Variants in SRRM1 observed in about 807,000 individuals in gnomAD.
The protein encoded by SRRM1 is serine and arginine repetitive matrix 1, also known as serine/arginine repetitive matrix protein 1.
A neutral mutation model predicts 110.2 loss-of-function variants in SRRM1; 19 were observed. That is an observed-to-expected ratio of 0.17 (90% CI 0.12 to 0.25). The LOEUF is 0.25. Ranked by LOEUF, SRRM1 falls within the 10% of genes least tolerant of loss-of-function variation. The probability of loss-of-function intolerance (pLI) is 1.00; values close to 1 mark genes in which losing one functional copy is unlikely to be tolerated. For missense variants in SRRM1, 918 were observed against 1,145.8 expected (o/e 0.80, Z 2.87); for synonymous variants, 443 against 414.9 (o/e 1.07, Z -0.82).
chr1:24,654,827 T>C (rs1237480674), intron 8 of SRRM1, 28 bp from the exon 9 acceptor site: 1 of 1,612,206 alleles, frequency 6.2e-7, no homozygotes, highest in African/African-American at 1.3e-5. Flanking sequence ...AGTGTGCAAT[T>C]AGTGAATATG....
intron 1 of SRRM1, 141 bp downstream of exon 1, chr1:24,643,488 C>T (rs563260032): frequency 1.2e-5 from 7 of 568,006 alleles, no homozygotes; most frequent in Non-Finnish European, 1.6e-5. Context: ...GCGCACCCCC[C>T]CCCCCCCCGT....
intron 12 of SRRM1, chr1:24,663,265 A>T (rs1280376770): frequency 6.9e-7 from 1 of 1,448,124 alleles, no homozygotes; most frequent in South Asian, 1.4e-5. Flanking sequence ...TTACATGTCA[A>T]AAATTGTAGT....
At chr1:24,658,984 G>C (rs984966403) in intron 9 of SRRM1, among the ~76,000 whole-genome samples, 40 of 152,192 alleles carry the variant, frequency 2.6e-4, no homozygotes, top group African/African-American at 9.4e-4. Flanking sequence ...ACCCGAGGTT[G>C]GGAGTTCAAG....
chr1:24,671,292 T>C, intron 15 of SRRM1, 94 bp from the exon 16 acceptor site: 1 of 1,282,048 alleles, frequency 7.8e-7, no homozygotes, highest in Non-Finnish European at 1.1e-6. Flanking sequence ...TTGAGATTTG[T>C]CCATTGGGGA....
chr1:24,670,904 G>A (rs915059515), intron 15 of SRRM1, among the ~76,000 whole-genome samples: 1 of 152,206 alleles, frequency 6.6e-6, no homozygotes, highest in African/African-American at 2.4e-5. Flanking sequence ...TGTGTGTCAT[G>A]AGGAAGAACC....
chr1:24,667,060 T>C, intron 13 of SRRM1, 135 bp downstream of exon 13: 1 of 598,260 alleles, frequency 1.7e-6, no homozygotes, highest in Middle Eastern at 2.6e-4. Flanking sequence ...GAAAACCCAA[T>C]CATCATGCTT....
In SRRM1 at chr1:24,673,045, T is replaced by G. The variant is rs1673370488; in HGVS notation, c.*759T>G. The G allele has an allele frequency of 1.3e-5, 2 of 152,228 alleles. No individual in the cohort carries two copies. The highest frequency in any genetic ancestry group is 1.3e-4 in the Admixed American group (2 of 15,276). The allele number at this position is 152,228 out of a possible 1,614,324, so 9.4% of individuals were successfully genotyped here. A position where few individuals can be genotyped will look rare whatever the true frequency, so the allele number is the denominator to read the frequency against. On this transcript the variant is annotated 3_prime_UTR_variant, in exon 17 of 17. Transcript: ENST00000323848. ...ATCCTTCAGTTACATACAATTTGTT[T>G]AATGAAATGTCATGGCTCTGTTCAT... is the stretch of plus-strand genomic sequence containing the variant.
intron 1 of SRRM1, among the ~76,000 whole-genome samples, chr1:24,645,528 A>G (rs1656943742): frequency 6.6e-6 from 1 of 152,242 alleles, no homozygotes; most frequent in African/African-American, 2.4e-5. Context: ...CTAACAGCAC[A>G]GTCCTGGGAT....
At chr1:24,646,298 C>T (rs1392427081) in intron 2 of SRRM1, among the ~76,000 whole-genome samples, 3 of 152,102 alleles carry the variant, frequency 2.0e-5, no homozygotes, top group Admixed American at 6.5e-5. Context: ...GAGGCCGAGG[C>T]GGGCAAATCA....
chr1:24,671,657 G>T, intron 16 of SRRM1, 62 bp downstream of exon 16: 2 of 1,440,010 alleles, frequency 1.4e-6, no homozygotes, highest in East Asian at 2.3e-5. Context: ...AAGTCATTTT[G>T]TTTTGAGAAG....
chr1:24,652,962 C>A lies in SRRM1; in HGVS notation c.970C>A (p.Arg324=), dbSNP rs754636388. The stretch of plus-strand genomic sequence containing the variant: ...AAGCCCAAGAAGGCGGCCATCTCCT[C>A]GAAGAAGAACTCCGCCAAGAAGAAT... ...RPSPRRRPSP[R]RRTPPRRMPP... The change falls in exon 8 of 17, where the codon CGA becomes AGA. Residue 324 remains arginine (R), a synonymous_variant. Transcript: ENST00000323848. 1 of 1,613,918 alleles carries A rather than the reference C, an allele frequency of 6.2e-7. No individual in the cohort carries two copies. The highest frequency in any genetic ancestry group is 1.7e-5 in the Admixed American group (1 of 60,024).
At chr1:24,648,799 A>G in intron 3 of SRRM1, 60 bp from the exon 4 acceptor site, 2 of 1,515,988 alleles carry the variant, frequency 1.3e-6, no homozygotes, top group East Asian at 2.3e-5. Flanking sequence ...AGGTTGGTTG[A>G]TTTGTTGGTT....
At chr1:24,653,116 C>A in intron 8 of SRRM1, 84 bp downstream of exon 8, 1 of 1,349,422 alleles carries the variant, frequency 7.4e-7, no homozygotes, top group East Asian at 2.5e-5. Context: ...AATTAGTGTC[C>A]CCTGGAAGAA....
At chr1:24,652,860 A>G in intron 7 of SRRM1, 53 bp from the exon 8 acceptor site, 1 of 1,545,400 alleles carries the variant, frequency 6.5e-7, no homozygotes, top group South Asian at 1.3e-5. Context: ...AACTAAGCCA[A>G]GAAATTCCTC....
At chr1:24,657,094 A>G (rs1481103272) in intron 9 of SRRM1, among the ~76,000 whole-genome samples, 1 of 152,144 alleles carries the variant, frequency 6.6e-6, no homozygotes, top group Admixed American at 6.6e-5. Flanking sequence ...CCACCCCGCT[A>G]AATAGAGCCA....
chr1:24,647,664 C>T (rs1207260148), intron 3 of SRRM1: 1 of 152,586 alleles, frequency 6.6e-6, no homozygotes, highest in Non-Finnish European at 1.5e-5. Context: ...AGAGTTCACC[C>T]TATGTTTTGA....
rs918612685 is a variant in SRRM1, at chr1:24,650,881, A to C, written c.522-528A>C. Among the ~76,000 whole-genome samples the C allele has an allele frequency of 2.0e-5, 3 of 152,228 alleles. No homozygotes were observed. In the South Asian group the frequency reaches 6.2e-4, roughly 31 times the overall value. On this transcript the variant is annotated intron_variant, in intron 5 of 16. Transcript: ENST00000323848. ...AAGAGAAAAACCCTTCGAGTTAGGC[A>C]GGCTACTGTTAAGAAAGAGGGCTTC...
chr1:24,672,414 T>C lies in SRRM1; in HGVS notation c.*128T>C. 2 of 626,588 alleles carry C rather than the reference T, an allele frequency of 3.2e-6. No homozygotes were observed. The highest frequency in any genetic ancestry group is 5.4e-6 in the Non-Finnish European group (2 of 367,864). 38.8% of individuals were successfully genotyped at this position (626,588 alleles called of 1,614,324 possible). ...ATAATTGCTAGGTTGAAGTTCAACA[T>C]GTAAAAAAAGGGGGCATGGATTTAC... On this transcript the variant is annotated 3_prime_UTR_variant, in exon 17 of 17. Coordinates refer to ENST00000323848, the MANE Select transcript of SRRM1 (RefSeq NM_005839.4).
chr1:24,670,424 T>C (rs1192542891), intron 15 of SRRM1, 109 bp downstream of exon 15: 3 of 1,192,568 alleles, frequency 2.5e-6, no homozygotes, highest in Admixed American at 6.0e-5. Flanking sequence ...AAACTTTTTT[T>C]CCCATTTGTG....
Sources: gnomAD v4.1 joint callset for allele counts (sites outside exome capture counted in the v4.1 genomes callset) on GRCh38, gnomAD v4.1.1 for gene constraint, MANE v1.5 for transcripts, NCBI Gene and HGNC (gene_info 2026-07-23, HGNC 2026-07-21) for gene names.